The following TLN2 variants were observed in gnomAD, a reference collection of about 807,000 sequenced individuals.
The protein encoded by TLN2 is talin 2.
Under a neutral mutation model 294.7 loss-of-function variants are expected in TLN2, and 118 were observed. The observed-to-expected ratio is 0.40, with a 90% CI of 0.34 to 0.47. The LOEUF (loss-of-function observed/expected upper bound fraction) is 0.47. Ranked by LOEUF, TLN2 falls within the 20% of genes least tolerant of loss-of-function variation. TLN2 has a pLI of 0.84. For synonymous variants in TLN2, 1,431 were observed against 1,304.5 expected, an observed-to-expected ratio of 1.10 and a Z score of -2.09; for missense variants, 3,083 against 3,282.2, an observed-to-expected ratio of 0.94 and a Z score of 1.48.
intron 1 of TLN2, among the ~76,000 whole-genome samples, chr15:62,462,930 G>C (rs370530474): frequency 1.3e-5 from 2 of 152,340 alleles, no homozygotes; most frequent in East Asian, 3.9e-4. Context: ...CCATAGGGAG[G>C]AGGATGTGGA....
chr15:62,765,070 C>T (rs1279745210), intron 40 of TLN2, among the ~76,000 whole-genome samples: 2 of 148,630 alleles, frequency 1.3e-5, no homozygotes, highest in Admixed American at 1.3e-4. Flanking sequence ...CCCAGTACAT[C>T]TTCTGTTTTA....
chr15:62,694,496 G>A, intron 14 of TLN2, 104 bp downstream of exon 14: 1 of 836,598 alleles, frequency 1.2e-6, no homozygotes, highest in Non-Finnish European at 2.0e-6. Context: ...ACCTGGAGAA[G>A]ATGACAGCAG....
At chr15:62,617,852 A>G (rs1454286991) in intron 2 of TLN2, among the ~76,000 whole-genome samples, 1 of 152,224 alleles carries the variant, frequency 6.6e-6, no homozygotes, top group Non-Finnish European at 1.5e-5. Flanking sequence ...TATTTAAATT[A>G]TGAAACCGGA....
chr15:62,536,950 G>A (rs6494323), intron 1 of TLN2, among the ~76,000 whole-genome samples: 150,678 of 152,170 alleles, frequency 0.99, 74,616 homozygotes, highest in Middle Eastern at 1. Context: ...GCTTGAGAAT[G>A]TACAATAAGT....
chr15:62,691,932 C>A (rs2057952539), intron 12 of TLN2, among the ~76,000 whole-genome samples: 1 of 152,182 alleles, frequency 6.6e-6, no homozygotes, highest in Non-Finnish European at 1.5e-5. Flanking sequence ...CCTCAACCTC[C>A]CAAAGTGGTG....
intron 1 of TLN2, among the ~76,000 whole-genome samples, chr15:62,583,893 T>A (rs1403267073): frequency 6.6e-6 from 1 of 152,212 alleles, no homozygotes; most frequent in Non-Finnish European, 1.5e-5. Context: ...ATTCATGGCA[T>A]CTCTGTTTTT....
intron 1 of TLN2, among the ~76,000 whole-genome samples, chr15:62,414,121 GTCATA>G (rs2033931926): frequency 8.4e-6 from 1 of 118,464 alleles, no homozygotes; most frequent in African/African-American, 3.0e-5. Flanking sequence ...ATAATCACAT[GTCATA>G]TTGGTTGAAC....
intron 1 of TLN2, among the ~76,000 whole-genome samples, chr15:62,446,340 G>A (rs993184108): frequency 7.9e-5 from 12 of 152,176 alleles, no homozygotes; most frequent in African/African-American, 2.9e-4. Flanking sequence ...AATCTTCTGA[G>A]CGCTTAACTC....
At chr15:62,473,485 A>G (rs904261015) in intron 1 of TLN2, among the ~76,000 whole-genome samples, 3 of 152,144 alleles carry the variant, frequency 2.0e-5, no homozygotes, top group Admixed American at 1.3e-4. Flanking sequence ...TCCCATCTCA[A>G]CTTTTAACTG....
intron 29 of TLN2, among the ~76,000 whole-genome samples, 180 bp downstream of exon 29, chr15:62,737,266 T>G (rs2061075098): frequency 6.6e-6 from 1 of 152,230 alleles, no homozygotes; most frequent in African/African-American, 2.4e-5. Context: ...AAGTCTTGCC[T>G]AGTATTCTCC....
rs1383121792 is a variant in TLN2 at position 62,797,376 on chromosome 15, C to A, written c.6208C>A (p.Leu2070Met). Reference sequence around the variant, plus strand: ...AGTGGTCAAGCTGGGGGCAGCCAGCCTGGGCTCCGACGACCCCGAGACCCA... The same window carrying A: ...AGTGGTCAAGCTGGGGGCAGCCAGCATGGGCTCCGACGACCCCGAGACCCA... ...AEVVKLGAAS[L>M]GSDDPETQVV... The change falls in exon 48 of 59, where the codon CTG becomes ATG. Residue 2070 changes from leucine to methionine, a missense_variant. Leu to Met is a conservative substitution (Grantham distance 15). Coordinates refer to ENST00000636159, the MANE Select transcript of TLN2 (RefSeq NM_015059.3). 1 of 1,606,582 alleles carries A rather than the reference C, an allele frequency of 6.2e-7. No homozygotes were observed. Among genetic ancestry groups the A allele is most frequent in the Admixed American group, 1.7e-5 (1 of 59,402 alleles).
At chr15:62,678,676 C>T (rs1005344366) in intron 11 of TLN2, among the ~76,000 whole-genome samples, 3 of 152,110 alleles carry the variant, frequency 2.0e-5, no homozygotes, top group Non-Finnish European at 2.9e-5. Flanking sequence ...ACTAAAAATA[C>T]GAAAGTTAGC....
intron 27 of TLN2, among the ~76,000 whole-genome samples, chr15:62,725,729 C>A (rs904373296): frequency 2.0e-5 from 3 of 152,296 alleles, no homozygotes; most frequent in South Asian, 2.1e-4. Context: ...GTTTTATTAA[C>A]CCCGTTTACA....
At chr15:62,738,604 G>A (rs1242783974) in intron 30 of TLN2, among the ~76,000 whole-genome samples, 1 of 152,186 alleles carries the variant, frequency 6.6e-6, no homozygotes, top group Non-Finnish European at 1.5e-5. Flanking sequence ...GTGATCACCT[G>A]TCTTCTCATC....
chr15:62,460,695 T>A lies in TLN2; in HGVS notation c.-238+70010T>A, dbSNP rs182570047. 2.3e-3 allele frequency among the ~76,000 whole-genome samples: 349 copies of A among 152,350 alleles called. 2 individuals carry two copies. Among genetic ancestry groups the A allele is most frequent in the African/African-American group, 7.6e-3 (318 of 41,576 alleles). On this transcript the variant is annotated intron_variant, in intron 1 of 58. Transcript: ENST00000636159. ...TTTATTAAGAAAAATAAGAATTCCA[T>A]GTTTATTTCAGATAATGTTTTCTCT...
At chr15:62,831,878 A>T (rs995925259) in intron 54 of TLN2, 2 of 152,232 alleles carry the variant, frequency 1.3e-5, no homozygotes, top group Non-Finnish European at 2.9e-5. Context: ...GACGTTTCAC[A>T]TGGGAGCGTT....
At chr15:62,417,392 G>A (rs940571160) in intron 1 of TLN2, among the ~76,000 whole-genome samples, 1 of 152,136 alleles carries the variant, frequency 6.6e-6, no homozygotes, top group Non-Finnish European at 1.5e-5. Context: ...ATGCTTTTTA[G>A]ACCAAGCGTA....
chr15:62,703,627 G>GCACA lies in TLN2; in HGVS notation c.2004+784_2004+787dup, dbSNP rs71131124. On this transcript the variant is annotated intron_variant, in intron 19 of 58. Coordinates refer to ENST00000636159, the MANE Select transcript of TLN2 (RefSeq NM_015059.3). ...GACACACACACACACACACACGCGC[G>GCACA]CACACACACACACACACACACACAG... is the stretch of plus-strand genomic sequence containing the variant. Among the ~76,000 whole-genome samples the GCACA allele has an allele frequency of 2.3e-3, 269 of 116,808 alleles. 2 individuals are homozygous for GCACA. The highest frequency in any genetic ancestry group is 6.0e-3 in the African/African-American group (193 of 31,936). The allele number at this position is 116,808 out of a possible 152,430, so 76.6% of individuals were successfully genotyped here.
chr15:62,446,085 C>A (rs1163145716), intron 1 of TLN2, among the ~76,000 whole-genome samples: 3 of 151,958 alleles, frequency 2.0e-5, no homozygotes, highest in Non-Finnish European at 4.4e-5. Flanking sequence ...CCACTCACTG[C>A]AAGCTCCGCC....
Sources: gnomAD v4.1 joint callset for allele counts (sites outside exome capture counted in the v4.1 genomes callset) on GRCh38, gnomAD v4.1.1 for gene constraint, MANE v1.5 for transcripts, NCBI Gene and HGNC (gene_info 2026-07-23, HGNC 2026-07-21) for gene names.